The following WDFY3 variants were observed in gnomAD, a reference collection of about 807,000 sequenced individuals.
WDFY3 encodes WD repeat and FYVE domain containing 3.
Under a neutral mutation model 409.6 loss-of-function variants are expected in WDFY3, and 66 were observed. That is an observed-to-expected ratio of 0.16 (90% CI 0.13 to 0.20). The LOEUF (loss-of-function observed/expected upper bound fraction) is 0.20, where lower values mean the gene tolerates loss of function less well. WDFY3 is among the 10% of genes least tolerant of loss of function. The pLI, the probability that WDFY3 is intolerant of heterozygous loss-of-function variation, is 1.00. For synonymous variants in WDFY3, 1,521 were observed against 1,537.1 expected, an observed-to-expected ratio of 0.99 and a Z score of 0.25; for missense variants, 3,031 against 4,298.1, an observed-to-expected ratio of 0.71 and a Z score of 8.24.
rs869074191 is a variant in WDFY3 at position 84,850,928 on chromosome 4, GTTTTTTTTTTTTTTTTTTTTTTT to G, written c.181-926_181-904del. The stretch of plus-strand genomic sequence containing the variant: ...TTCTTATTTTTAATTTTATTTATCT[GTTTTTTTTTTTTTTTTTTTTTTT>G]TTTTTTTTTTTTTTTTTTGAGAACT... On this transcript the variant is annotated intron_variant, in intron 4 of 67. Coordinates refer to ENST00000295888, the MANE Select transcript of WDFY3 (RefSeq NM_014991.6). 1.3e-3 allele frequency among the ~76,000 whole-genome samples: 60 copies of G among 46,256 alleles called. 1 individual carries two copies. The highest frequency in any genetic ancestry group is 3.9e-3 in the South Asian group (4 of 1,026). The allele number at this position is 46,256 out of a possible 152,430, so 30.3% of individuals were successfully genotyped here. A position where few individuals can be genotyped will look rare whatever the true frequency, so the allele number is the denominator to read the frequency against.
chr4:84,952,818 C>A (rs1248335479), intron 1 of WDFY3, among the ~76,000 whole-genome samples: 1 of 151,782 alleles, frequency 6.6e-6, no homozygotes, highest in African/African-American at 2.4e-5. Context: ...TGTAGCAGAT[C>A]AAACTTAAAA....
At chr4:84,854,631 C>G (rs982598512) in intron 4 of WDFY3, among the ~76,000 whole-genome samples, 2 of 152,114 alleles carry the variant, frequency 1.3e-5, no homozygotes, top group African/African-American at 4.8e-5. Flanking sequence ...AGTTCTAGGC[C>G]AGGTATGGTG....
At chr4:84,809,683 A>G in intron 14 of WDFY3, 1 of 476,104 alleles carries the variant, frequency 2.1e-6, no homozygotes, top group Non-Finnish European at 3.6e-6. Context: ...ATTTACAAAT[A>G]GTACACAGGC....
At chr4:84,809,723 C>T (rs1752163101) in intron 14 of WDFY3, 164 bp downstream of exon 14, 1 of 566,314 alleles carries the variant, frequency 1.8e-6, no homozygotes. Flanking sequence ...AAAAACAATA[C>T]CAGAGCAAGA....
chr4:84,962,196 A>C (rs1775003631), intron 1 of WDFY3, among the ~76,000 whole-genome samples: 1 of 152,242 alleles, frequency 6.6e-6, no homozygotes, highest in Admixed American at 6.5e-5. Flanking sequence ...GGAATTCTGT[A>C]AGCTGGTAGC....
intron 13 of WDFY3, 85 bp downstream of exon 13, chr4:84,817,307 C>T: frequency 4.0e-6 from 6 of 1,515,888 alleles, no homozygotes; most frequent in African/African-American, 1.4e-5. Context: ...TTTTAATTTC[C>T]CTGTCTCTAA....
intron 2 of WDFY3, among the ~76,000 whole-genome samples, chr4:84,906,634 T>C (rs1767077504): frequency 6.6e-6 from 1 of 152,194 alleles, no homozygotes; most frequent in Admixed American, 6.5e-5. Flanking sequence ...TAATTACATA[T>C]AACCTATGCA....
At chr4:84,935,191 CAT>C (rs1273895316) in intron 1 of WDFY3, among the ~76,000 whole-genome samples, 1 of 152,168 alleles carries the variant, frequency 6.6e-6, no homozygotes, top group Non-Finnish European at 1.5e-5. Flanking sequence ...AAAGTTCTGA[CAT>C]GTGTCATGTT....
intron 1 of WDFY3, among the ~76,000 whole-genome samples, chr4:84,936,206 T>C (rs1032808662): frequency 2.6e-5 from 4 of 152,108 alleles, no homozygotes; most frequent in African/African-American, 9.7e-5. Context: ...ATACTTAAAA[T>C]GGAAATTGTG....
intron 3 of WDFY3, among the ~76,000 whole-genome samples, chr4:84,882,153 C>T (rs1305641965): frequency 1.3e-5 from 2 of 152,124 alleles, no homozygotes; most frequent in African/African-American, 4.8e-5. Flanking sequence ...TAATCCTCAT[C>T]ACCTAGAAAA....
chr4:84,915,651 T>G (rs1768380100), intron 2 of WDFY3, among the ~76,000 whole-genome samples: 1 of 152,184 alleles, frequency 6.6e-6, no homozygotes, highest in Admixed American at 6.6e-5. Flanking sequence ...TTGTCTATTT[T>G]TACTGTTTCT....
At chr4:84,811,474 G>C (rs183293562) in intron 13 of WDFY3, among the ~76,000 whole-genome samples, 13 of 152,132 alleles carry the variant, frequency 8.5e-5, no homozygotes, top group Non-Finnish European at 1.3e-4. Context: ...GGCCCAATGT[G>C]GTAAAATAAC....
intron 29 of WDFY3, 29 bp from the exon 30 acceptor site, chr4:84,772,958 A>G (rs770143040): frequency 4.6e-6 from 7 of 1,537,876 alleles, no homozygotes; most frequent in Non-Finnish European, 6.1e-6. Flanking sequence ...AAGATTATGG[A>G]TTTTCTTTTT....
At chr4:84,751,035 G>C (rs1481798000) in intron 36 of WDFY3, among the ~76,000 whole-genome samples, 1 of 152,264 alleles carries the variant, frequency 6.6e-6, no homozygotes, top group African/African-American at 2.4e-5. Flanking sequence ...GTCCAGGGAA[G>C]GGGTTGGCAC....
intron 2 of WDFY3, among the ~76,000 whole-genome samples, chr4:84,921,166 T>C (rs968459292): frequency 1.3e-5 from 2 of 152,260 alleles, no homozygotes; most frequent in East Asian, 1.9e-4. Context: ...TATAACATAA[T>C]TGATATAGTC....
At chr4:84,959,976 A>G (rs1774715341) in intron 1 of WDFY3, among the ~76,000 whole-genome samples, 2 of 152,228 alleles carry the variant, frequency 1.3e-5, no homozygotes. Context: ...GTTCAAAGAT[A>G]ATATGATCGA....
chr4:84,919,495 TG>T (rs1768962928), intron 2 of WDFY3, among the ~76,000 whole-genome samples: 1 of 152,118 alleles, frequency 6.6e-6, no homozygotes, highest in Non-Finnish European at 1.5e-5. Flanking sequence ...TAATATGGTT[TG>T]GCTGTGTCCC....
chr4:84,824,910 C>T (rs1163333192), intron 10 of WDFY3, among the ~76,000 whole-genome samples: 1 of 152,080 alleles, frequency 6.6e-6, no homozygotes, highest in Admixed American at 6.6e-5. Flanking sequence ...TAGCTTCACC[C>T]ATTCACTTTA....
At position 84,841,196 on chromosome 4, in the gene WDFY3, C is replaced by T; in HGVS notation, c.372G>A (p.Trp124Ter). The change falls in exon 6 of 68, where the codon TGG becomes TGA. Residue 124 changes from tryptophan to a stop codon, truncating the protein, a stop_gained. Coordinates refer to ENST00000295888, the MANE Select transcript of WDFY3 (RefSeq NM_014991.6). LOFTEE classifies it high-confidence loss of function. ...INQSEEASRG[W>*]MLLTTINLLA... is the part of the protein sequence containing the mutation. ...ACAAATTAATTGTCGTTAGAAGCAT[C>T]CAGCCTCTACTGGCTTCTTCACTCT... The T allele has an allele frequency of 6.2e-7, 1 of 1,612,514 alleles. No individual in the cohort carries two copies. Among genetic ancestry groups the T allele is most frequent in the South Asian group, 1.1e-5 (1 of 90,506 alleles).
Sources: allele counts gnomAD v4.1 joint callset (sites outside exome capture counted in the v4.1 genomes callset), GRCh38; gene constraint gnomAD v4.1.1; transcripts MANE v1.5; gene names NCBI Gene and HGNC (gene_info 2026-07-23, HGNC 2026-07-21).